Variants in HCN3 observed in about 807,000 individuals in gnomAD.
HCN3 encodes the protein hyperpolarization activated cyclic nucleotide gated potassium channel 3, also known as potassium/sodium hyperpolarization-activated cyclic nucleotide-gated channel 3.
A neutral mutation model predicts 56.8 loss-of-function variants in HCN3; 36 were observed. The ratio of observed to expected loss-of-function variants is 0.63; its 90% CI spans 0.49 to 0.84. The LOEUF is 0.84. HCN3 is among the 40% of genes least tolerant of loss of function. The pLI is 0.00. For synonymous variants in HCN3, 425 were observed against 439.7 expected (o/e 0.97, Z 0.42); for missense variants, 930 against 1,079.3 (o/e 0.86, Z 1.94).
At position 155,285,754 on chromosome 1, in the gene HCN3, G is replaced by C; in HGVS notation, c.1267G>C (p.Val423Leu). The C allele has an allele frequency of 6.2e-7, 1 of 1,614,150 alleles. No individual in the cohort carries two copies. Among genetic ancestry groups the C allele is most frequent in the Non-Finnish European group, 8.5e-7 (1 of 1,180,008 alleles). The change falls in exon 6 of 8, where the codon GTG becomes CTG. Residue 423 changes from valine to leucine, a missense_variant. Coordinates refer to ENST00000368358, the MANE Select transcript of HCN3 (RefSeq NM_020897.3). This position sits in a 1 kb window ranked among gnomAD's most constrained non-coding sequence, Gnocchi z 4.5. Reference sequence around the variant, plus strand: ...CATTAACTTCACCTGTCGGGGCCTGGTGGCCCACATGCCGCTGTTTGCCCA... The same window carrying C: ...CATTAACTTCACCTGTCGGGGCCTGCTGGCCCACATGCCGCTGTTTGCCCA... The part of the protein sequence containing the change: ...EIINFTCRGL[V>L]AHMPLFAHAD...
rs767365132 is a variant in HCN3 at position 155,277,604 on chromosome 1, A to T, written c.14A>T (p.Gln5Leu). 6.3e-5 allele frequency: 98 copies of T among 1,560,614 alleles called. No individual in the cohort carries two copies. The highest frequency in any genetic ancestry group is 1.6e-5 in the Non-Finnish European group (18 of 1,153,800). The change falls in exon 1 of 8, where the codon CAG (glutamine) becomes CTG (leucine). Residue 5 changes from glutamine (Q) to leucine (L), a missense_variant. Coordinates refer to ENST00000368358, the MANE Select transcript of HCN3 (RefSeq NM_020897.3). MEAE[Q>L]RPAAGASEGA... ...GGGGTGGGCGCCATGGAGGCAGAGC[A>T]GCGGCCGGCGGCGGGGGCCAGCGAA...
chr1:155,287,867 C>T lies in HCN3; in HGVS notation c.1729C>T (p.His577Tyr). Residue 577 changes from histidine (H) to tyrosine (Y), a missense_variant, in exon 8 of 8, where the codon CAT becomes TAT. His to Tyr is a moderately conservative substitution (Grantham distance 83). Transcript: ENST00000368358. ...CATCATGGAGCAGCACTTGGTGCAA[C>T]ATGACAGAGACATGGCTCGGGGTGT... The part of the protein sequence containing the change: ...GGIMEQHLVQ[H>Y]DRDMARGVRG... 1 of 1,614,094 alleles carries T rather than the reference C, an allele frequency of 6.2e-7. No individual in the cohort carries two copies. Among genetic ancestry groups the T allele is most frequent in the Non-Finnish European group, 8.5e-7 (1 of 1,180,006 alleles).
Position 155,282,830 on chromosome 1 carries a change from A to G in HCN3, c.698A>G (p.Gln233Arg). ...TCCCGCCTCATCCGCTACATACACC[A>G]GTGGGAGGAGGTGGGGTGGGGAGAT... The part of the protein sequence containing the change: ...RLSRLIRYIH[Q>R]WEEIFHMTYD... Residue 233 changes from glutamine to arginine, a missense_variant, in exon 2 of 8, where the codon CAG becomes CGG. Transcript: ENST00000368358. This position sits in a 1 kb window ranked among gnomAD's most constrained non-coding sequence, Gnocchi z 4.7. 1.6e-6 allele frequency: 2 copies of G among 1,275,778 alleles called. No individual in the cohort carries two copies. Among genetic ancestry groups the G allele is most frequent in the Admixed American group, 2.2e-5 (1 of 46,320 alleles). The allele number at this position is 1,275,778 out of a possible 1,614,324, so 79.0% of individuals were successfully genotyped here.
Position 155,282,978 on chromosome 1 carries a change from G to T in HCN3, c.708+138G>T. On this transcript the variant is annotated intron_variant, in intron 2 of 7. Transcript: ENST00000368358. The surrounding 1 kb of genome is among the most constrained non-coding windows in gnomAD (Gnocchi z 4.7). ...CCTTATAGTGTGGGGAAGATGGGTG[G>T]GGCTTCCGTGCGTGAGCTCTCTCCA... 1 of 862,064 alleles carries T rather than the reference G, an allele frequency of 1.2e-6. No homozygotes were observed. Among genetic ancestry groups the T allele is most frequent in the South Asian group, 1.7e-5 (1 of 57,592 alleles). 53.4% of individuals were successfully genotyped at this position (862,064 alleles called of 1,614,324 possible).
chr1:155,278,309 T>G, intron 1 of HCN3: 1 of 186,620 alleles, frequency 5.4e-6, no homozygotes, highest in Admixed American at 5.4e-5. Flanking sequence ...CCTTAGCACC[T>G]GCCTAGTTCA....
intron 1 of HCN3, among the ~76,000 whole-genome samples, chr1:155,281,367 CCTT>C (rs906300676): frequency 3.3e-5 from 5 of 150,126 alleles, no homozygotes; most frequent in East Asian, 2.0e-4. Flanking sequence ...CCACACCTGG[CCTT>C]CTTCTTTTTT....
Position 155,284,847 on chromosome 1 carries a change from G to C in HCN3, c.1089+90G>C. The C allele has an allele frequency of 8.5e-7, 1 of 1,171,054 alleles. No individual in the cohort carries two copies. Among genetic ancestry groups the C allele is most frequent in the African/African-American group, 1.5e-5 (1 of 65,380 alleles). 72.5% of individuals were successfully genotyped at this position (1,171,054 alleles called of 1,614,324 possible). On this transcript the variant is annotated intron_variant, in intron 4 of 7. Coordinates refer to ENST00000368358, the MANE Select transcript of HCN3 (RefSeq NM_020897.3). The surrounding 1 kb of genome is among the most constrained non-coding windows in gnomAD (Gnocchi z 4.3). ...GAGGCCCATTCTGATGTGTGCCCCT[G>C]TTGCGTCTCTGTTTCCTTTCCTGCC...
At chr1:155,277,975 C>A in intron 1 of HCN3, 107 bp downstream of exon 1, 1 of 1,369,280 alleles carries the variant, frequency 7.3e-7, no homozygotes, top group Non-Finnish European at 1.0e-6. Context: ...CATTTCCAGC[C>A]CGGGGTCCCT....
At position 155,288,203 on chromosome 1, in the gene HCN3, T is replaced by C; in HGVS notation, c.2065T>C (p.Ser689Pro). The change falls in exon 8 of 8, where the codon TCC (serine) becomes CCC (proline). Residue 689 changes from serine to proline, a missense_variant. Transcript: ENST00000368358. This position sits in a 1 kb window ranked among gnomAD's most constrained non-coding sequence, Gnocchi z 6.5. The stretch of plus-strand genomic sequence containing the variant: ...CGCCAGCCTATCCCGGGCAGGGCGC[T>C]CCCAGGTCTCCCTGCTGGGTCCCCC... ...LHASLSRAGRSQVSLLGPPPG... is the reference protein window; with the variant it reads ...LHASLSRAGRPQVSLLGPPPG... 1.3e-6 allele frequency: 2 copies of C among 1,574,510 alleles called. No homozygotes were observed. The highest frequency in any genetic ancestry group is 1.7e-6 in the Non-Finnish European group (2 of 1,164,978).
rs770483614 is a variant in HCN3 at position 155,288,179 on chromosome 1, G to A, written c.2041G>A (p.Ala681Thr). 22 of 1,577,296 alleles carry A rather than the reference G, an allele frequency of 1.4e-5. No individual in the cohort carries two copies. The Admixed American group carries it at 2.0e-4, about 14-fold the overall frequency. ...CGCCCCACCTGCCCGAACCCTGCACGCCAGCCTATCCCGGGCAGGGCGCTC... is the reference window on the plus strand; with the variant it reads ...CGCCCCACCTGCCCGAACCCTGCACACCAGCCTATCCCGGGCAGGGCGCTC... The part of the protein sequence containing the change: ...LPAPPARTLH[A>T]SLSRAGRSQV... Residue 681 changes from alanine to threonine, a missense_variant, in exon 8 of 8, where the codon GCC becomes ACC. Transcript: ENST00000368358. This position sits in a 1 kb window ranked among gnomAD's most constrained non-coding sequence, Gnocchi z 6.5.
In HCN3 at chr1:155,282,302, G is replaced by C; in HGVS notation, c.279-109G>C. 1 of 1,025,078 alleles carries C rather than the reference G, an allele frequency of 9.8e-7. No individual in the cohort carries two copies. The highest frequency in any genetic ancestry group is 1.5e-6 in the Non-Finnish European group (1 of 678,528). The allele number at this position is 1,025,078 out of a possible 1,614,324, so 63.5% of individuals were successfully genotyped here. ...CCCAACAGCTGTAAACAGTCATTCT[G>C]TTATTGTGTATCTTTGCCCATTCTT... On this transcript the variant is annotated intron_variant, in intron 1 of 7. Coordinates refer to ENST00000368358, the MANE Select transcript of HCN3 (RefSeq NM_020897.3). This position sits in a 1 kb window ranked among gnomAD's most constrained non-coding sequence, Gnocchi z 4.7.
rs1166377235 is a variant in HCN3, at chr1:155,278,971, A to T, written c.278+1103A>T. Reference sequence around the variant, plus strand: ...CCCACCTGTGAGTCAGGCTGTGAAGATGCTTTCATGGCTAGGCGAACCCTC... The same window carrying T: ...CCCACCTGTGAGTCAGGCTGTGAAGTTGCTTTCATGGCTAGGCGAACCCTC... On this transcript the variant is annotated intron_variant, in intron 1 of 7. Transcript: ENST00000368358. Among the ~76,000 whole-genome samples, 12 of 151,804 alleles carry T rather than the reference A, an allele frequency of 7.9e-5. No homozygotes were observed. The East Asian group carries it at 2.2e-3, about 27-fold the overall frequency.
chr1:155,285,741 C>T lies in HCN3; in HGVS notation c.1254C>T (p.Thr418=). 2.5e-6 allele frequency: 4 copies of T among 1,614,202 alleles called. No individual in the cohort carries two copies. Among genetic ancestry groups the T allele is most frequent in the Non-Finnish European group, 3.4e-6 (4 of 1,180,034 alleles). Residue 418 remains threonine (T), a synonymous_variant, in exon 6 of 8, where the codon ACC becomes ACT. Transcript: ENST00000368358. This position sits in a 1 kb window ranked among gnomAD's most constrained non-coding sequence, Gnocchi z 4.5. ...CTGTCCAGGAGATCATTAACTTCAC[C>T]TGTCGGGGCCTGGTGGCCCACATGC... ...EPLREEIINF[T]CRGLVAHMPL... is the part of the protein sequence containing the mutation.
chr1:155,277,743 G>T lies in HCN3; in HGVS notation c.153G>T (p.Thr51=), dbSNP rs149292524. ...AGCCTAAGAGGAGGCACCTTGGGAC[G>T]CTGCTCCAGCCTACGGTCAACAAGT... is the stretch of plus-strand genomic sequence containing the variant. ...GPEPKRRHLG[T]LLQPTVNKFS... Residue 51 remains threonine (T), a synonymous_variant, in exon 1 of 8, where the codon ACG becomes ACT. Transcript: ENST00000368358. 201 of 1,601,372 alleles carry T rather than the reference G, an allele frequency of 1.3e-4. No individual in the cohort carries two copies. The highest frequency in any genetic ancestry group is 2.8e-4 in the Admixed American group (16 of 58,142).
Position 155,285,749 on chromosome 1 carries a change from G to A in HCN3, c.1262G>A (p.Gly421Asp). 1 of 1,614,150 alleles carries A rather than the reference G, an allele frequency of 6.2e-7. No individual in the cohort carries two copies. The highest frequency in any genetic ancestry group is 8.5e-7 in the Non-Finnish European group (1 of 1,180,002). ...GAGATCATTAACTTCACCTGTCGGG[G>A]CCTGGTGGCCCACATGCCGCTGTTT... ...REEIINFTCR[G>D]LVAHMPLFAH... The change falls in exon 6 of 8, where the codon GGC becomes GAC. Residue 421 changes from glycine to aspartate, a missense_variant. Gly to Asp is a moderately conservative substitution (Grantham distance 94, BLOSUM62 -1). Transcript: ENST00000368358. This position sits in a 1 kb window ranked among gnomAD's most constrained non-coding sequence, Gnocchi z 4.5.
rs1156927867 is a variant in HCN3 at position 155,287,206 on chromosome 1, C to T, written c.1511C>T (p.Ala504Val). Residue 504 changes from alanine to valine, a missense_variant, in exon 7 of 8, where the codon GCC becomes GTC. By Grantham distance (64) the Ala-to-Val change is moderately conservative. Coordinates refer to ENST00000368358, the MANE Select transcript of HCN3 (RefSeq NM_020897.3). ...ICLLTRGRRTASVRADTYCRL... is the reference protein window; with the variant it reads ...ICLLTRGRRTVSVRADTYCRL... Reference sequence around the variant, plus strand: ...CTGCTAACTAGGGGCCGGCGCACAGCCAGTGTTCGGGCTGACACCTACTGC... The same window carrying T: ...CTGCTAACTAGGGGCCGGCGCACAGTCAGTGTTCGGGCTGACACCTACTGC... 1 of 1,613,962 alleles carries T rather than the reference C, an allele frequency of 6.2e-7. No individual in the cohort carries two copies. Among genetic ancestry groups the T allele is most frequent in the East Asian group, 2.2e-5 (1 of 44,880 alleles).
Position 155,285,035 on chromosome 1 carries a change from A to C in HCN3, c.1090-130A>C, listed in dbSNP as rs1572040381. ...TATTCCTCTGTGGCCCTGTGTATCCATGTCTGGTTCCACGTTTCACCCCTT... is the reference window on the plus strand; with the variant it reads ...TATTCCTCTGTGGCCCTGTGTATCCCTGTCTGGTTCCACGTTTCACCCCTT... On this transcript the variant is annotated intron_variant, in intron 4 of 7. Transcript: ENST00000368358. This position sits in a 1 kb window ranked among gnomAD's most constrained non-coding sequence, Gnocchi z 4.5. The C allele has an allele frequency of 9.6e-7, 1 of 1,043,830 alleles. No individual in the cohort carries two copies. Among genetic ancestry groups the C allele is most frequent in the East Asian group, 2.4e-5 (1 of 41,474 alleles). The allele number at this position is 1,043,830 out of a possible 1,614,324, so 64.7% of individuals were successfully genotyped here.
chr1:155,288,380 C>A lies in HCN3; in HGVS notation c.2242C>A (p.Pro748Thr), dbSNP rs866644612. The change falls in exon 8 of 8, where the codon CCT becomes ACT. Residue 748 changes from proline to threonine, a missense_variant. Pro to Thr is a conservative substitution (Grantham distance 38). Transcript: ENST00000368358. The surrounding 1 kb of genome is among the most constrained non-coding windows in gnomAD (Gnocchi z 6.5). ...GCCTCCCTCAGGGCTCCTGGCCAAA[C>A]CTCCAAGGACAGCCCAGCCCCCCAG... is the stretch of plus-strand genomic sequence containing the variant. Reference protein sequence around the residue: ...RLPPSGLLAKPPRTAQPPRPP... With the variant: ...RLPPSGLLAKTPRTAQPPRPP... 2 of 1,613,704 alleles carry A rather than the reference C, an allele frequency of 1.2e-6. No individual in the cohort carries two copies. Among genetic ancestry groups the A allele is most frequent in the East Asian group, 2.2e-5 (1 of 44,870 alleles).
intron 1 of HCN3, among the ~76,000 whole-genome samples, chr1:155,281,624 C>T (rs766114786): frequency 2.6e-5 from 4 of 152,250 alleles, no homozygotes; most frequent in Non-Finnish European, 5.9e-5. Flanking sequence ...CAGTCTCAGC[C>T]TCCCAAAGTG....
Sources: gnomAD v4.1 joint callset for allele counts (sites outside exome capture counted in the v4.1 genomes callset) on GRCh38, gnomAD v4.1.1 for gene constraint, Gnocchi (gnomAD v3.1) non-coding constraint, MANE v1.5 for transcripts, NCBI Gene and HGNC (gene_info 2026-07-23, HGNC 2026-07-21) for gene names.